The following GPRASP2 variants were observed in gnomAD, a reference collection of about 807,000 sequenced individuals.
GPRASP2 encodes G protein-coupled receptor associated sorting protein 2, also known as G protein-coupled receptor-associated sorting protein 2.
In GPRASP2, 10 loss-of-function variants were observed where a neutral mutation model predicts 36.0. The ratio of observed to expected loss-of-function variants is 0.28; its 90% confidence interval spans 0.17 to 0.47. GPRASP2 has a LOEUF of 0.47. Among genes scored for constraint, GPRASP2 ranks in the 20% least tolerant of loss-of-function variants. The pLI, the probability that GPRASP2 is intolerant of heterozygous loss-of-function variation, is 0.99. For synonymous variants in GPRASP2, 219 were observed against 230.5 expected (o/e 0.95, Z 0.45); for missense variants, 538 against 626.7 (o/e 0.86, Z 1.51).
In GPRASP2 at chrX:102,715,785, C is replaced by T. The variant is rs140659689; in HGVS notation, c.916C>T (p.Pro306Ser). ...AGAAAATACCAATAACTTGTTCAGG[C>T]CCAGAGTCAGGGAGGAGGCAAATAT... ...VGENTNNLFR[P>S]RVREEANIRS... is the part of the protein sequence containing the mutation. Residue 306 changes from proline (P) to serine (S), a missense_variant, in exon 5 of 5, where the codon CCC becomes TCC. Pro to Ser is a moderately conservative substitution (Grantham distance 74). Around this residue, in one of 2 missense-constraint regions of GPRASP2, gnomAD observed 276 missense variants for 275.0 expected, o/e 1.00. Transcript: ENST00000483720. 6.7e-5 allele frequency: 81 copies of T among 1,209,874 alleles called. No individual in the cohort carries two copies. In the African/African-American group the frequency reaches 1.4e-3, roughly 20 times the overall value.
Position 102,717,191 on chromosome X carries a change from T to G in GPRASP2, c.2322T>G (p.Asn774Lys), listed in dbSNP as rs2081977699. Residue 774 changes from asparagine to lysine, a missense_variant, in exon 5 of 5, where the codon AAT (asparagine) becomes AAG (lysine). This residue lies in a region of GPRASP2 where 262 missense variants were observed against 351.7 expected (regional missense o/e 0.74). Coordinates refer to ENST00000483720, the MANE Select transcript of GPRASP2 (RefSeq NM_001004051.4). ...FVGLFNIEET[N>K]DNIQIVIKMF... ...GTCTCTTTAACATAGAAGAGACAAA[T>G]GATAATATTCAAATTGTTATTAAAA... is the stretch of plus-strand genomic sequence containing the variant. 3 of 1,141,459 alleles carry G rather than the reference T, an allele frequency of 2.6e-6. No homozygotes were observed. Among genetic ancestry groups the G allele is most frequent in the Non-Finnish European group, 3.5e-6 (3 of 861,291 alleles). The allele number at this position is 1,141,459 out of a possible 1,213,427, so 94.1% of individuals were successfully genotyped here. A position where few individuals can be genotyped will look rare whatever the true frequency, so the allele number is the denominator to read the frequency against.
In GPRASP2 at chrX:102,715,168, C is replaced by G. The variant is rs2081942951; in HGVS notation, c.299C>G (p.Thr100Ser). 2 of 1,211,719 alleles carry G rather than the reference C, an allele frequency of 1.7e-6. No individual in the cohort carries two copies. The highest frequency in any genetic ancestry group is 2.2e-6 in the Non-Finnish European group (2 of 895,559). Residue 100 changes from threonine to serine, a missense_variant, in exon 5 of 5, where the codon ACC becomes AGC. Thr to Ser is a moderately conservative substitution (Grantham distance 58, BLOSUM62 1). Transcript: ENST00000483720. ...GGAATCACAGGGGCCAGGCCCAAAA[C>G]CGATGCCAGGGCAGTAGGTGGCGCT... is the stretch of plus-strand genomic sequence containing the variant. The part of the protein sequence containing the change: ...AQGITGARPK[T>S]DARAVGGARS...
chrX:102,715,886 G>C lies in GPRASP2; in HGVS notation c.1017G>C (p.Trp339Cys). 1 of 1,211,815 alleles carries C rather than the reference G, an allele frequency of 8.3e-7. No homozygotes were observed. Among genetic ancestry groups the C allele is most frequent in the Non-Finnish European group, 1.1e-6 (1 of 895,529 alleles). Residue 339 changes from tryptophan (W) to cysteine (C), a missense_variant, in exon 5 of 5, where the codon TGG becomes TGC. Around this residue, in one of 2 missense-constraint regions of GPRASP2, gnomAD observed 276 missense variants for 275.0 expected, o/e 1.00. Coordinates refer to ENST00000483720, the MANE Select transcript of GPRASP2 (RefSeq NM_001004051.4). ...AAGATGAGTTCTATAAGCAGTCCTGGGTTTTGCCTGGAGAAGAGGCCAATA... is the reference window on the plus strand; with the variant it reads ...AAGATGAGTTCTATAAGCAGTCCTGCGTTTTGCCTGGAGAAGAGGCCAATA... ...ESEDEFYKQS[W>C]VLPGEEANSR...
At position 102,714,952 on chromosome X, in the gene GPRASP2, G is replaced by T. The variant is rs773094045; in HGVS notation, c.83G>T (p.Arg28Ile). The change falls in exon 5 of 5, where the codon AGA (arginine) becomes ATA (isoleucine). Residue 28 changes from arginine (R) to isoleucine (I), a missense_variant. Transcript: ENST00000483720. ...GAAGAGGTTATCGCTGGGCCTGAGA[G>T]AGAGAATGATGTCCCTCTGGTGGTC... ...AGEEVIAGPERENDVPLVVRP... is the reference protein window; with the variant it reads ...AGEEVIAGPEIENDVPLVVRP... 18 of 1,211,438 alleles carry T rather than the reference G, an allele frequency of 1.5e-5. No individual in the cohort carries two copies. Among genetic ancestry groups the T allele is most frequent in the East Asian group, 5.9e-5 (2 of 33,805 alleles).
Position 102,716,363 on chromosome X carries a change from C to T in GPRASP2, c.1494C>T (p.Phe498=), listed in dbSNP as rs1468330641. ...CCTGGGACGAGGTCACTGTTGAATT[C>T]AAACCTGGTCTTTTTCATGGGGTTG... ...PQTWDEVTVE[F]KPGLFHGVGF... is the part of the protein sequence containing the mutation. The change falls in exon 5 of 5, where the codon TTC becomes TTT. Residue 498 remains phenylalanine (F), a synonymous_variant. Coordinates refer to ENST00000483720, the MANE Select transcript of GPRASP2 (RefSeq NM_001004051.4). The T allele has an allele frequency of 8.3e-7, 1 of 1,211,932 alleles. No individual in the cohort carries two copies. The highest frequency in any genetic ancestry group is 1.8e-5 in the South Asian group (1 of 56,960).
rs757126435 is a variant in GPRASP2, at chrX:102,717,389, T to C, written c.*3T>C. ...CTGAGGTGGGACAACAAAGTTAATA[T>C]GATTAACCACCTGCCGCTGATCAGC... On this transcript the variant is annotated 3_prime_UTR_variant, in exon 5 of 5. Transcript: ENST00000483720. The C allele has an allele frequency of 9.4e-7, 1 of 1,061,346 alleles. No homozygotes were observed. Among genetic ancestry groups the C allele is most frequent in the Non-Finnish European group, 1.2e-6 (1 of 818,918 alleles). The allele number at this position is 1,061,346 out of a possible 1,213,427, so 87.5% of individuals were successfully genotyped here.
At position 102,714,663 on chromosome X, in the gene GPRASP2, G is replaced by A; in HGVS notation, c.-207G>A. On this transcript the variant is annotated 5_prime_UTR_variant, in exon 5 of 5. Coordinates refer to ENST00000483720, the MANE Select transcript of GPRASP2 (RefSeq NM_001004051.4). ...GGTTGTACCTGTTCTCACTCTATCT[G>A]TATTATTGAATTATTGACTGAGACT... 1 of 578,064 alleles carries A rather than the reference G, an allele frequency of 1.7e-6. No individual in the cohort carries two copies. The highest frequency in any genetic ancestry group is 2.6e-6 in the Non-Finnish European group (1 of 382,535). The allele number at this position is 578,064 out of a possible 1,213,427, so 47.6% of individuals were successfully genotyped here.
chrX:102,716,030 T>C lies in GPRASP2; in HGVS notation c.1161T>C (p.Ile387=). ...QEPRFEEEVI[I]GSWFWAEKEA... Reference sequence around the variant, plus strand: ...CCAGGTTTGAGGAGGAAGTCATTATTGGGTCCTGGTTCTGGGCAGAAAAAG... The same window carrying C: ...CCAGGTTTGAGGAGGAAGTCATTATCGGGTCCTGGTTCTGGGCAGAAAAAG... Residue 387 remains isoleucine, a synonymous_variant, in exon 5 of 5, where the codon ATT becomes ATC. Transcript: ENST00000483720. The C allele has an allele frequency of 8.3e-7, 1 of 1,202,948 alleles. No homozygotes were observed. The highest frequency in any genetic ancestry group is 3.0e-5 in the East Asian group (1 of 33,775).
Position 102,716,244 on chromosome X carries a change from G to A in GPRASP2, c.1375G>A (p.Ala459Thr). The A allele has an allele frequency of 8.3e-7, 1 of 1,212,016 alleles. No individual in the cohort carries two copies. The highest frequency in any genetic ancestry group is 1.1e-6 in the Non-Finnish European group (1 of 895,624). ...FGSWFWDRDE[A>T]CFDLNPCPVY... is the part of the protein sequence containing the mutation. The stretch of plus-strand genomic sequence containing the variant: ...GTCCTGGTTCTGGGACAGAGATGAG[G>A]CCTGCTTTGACCTAAATCCCTGTCC... Residue 459 changes from alanine to threonine, a missense_variant, in exon 5 of 5, where the codon GCC (alanine) becomes ACC (threonine). Around this residue, in one of 2 missense-constraint regions of GPRASP2, gnomAD observed 262 missense variants for 351.7 expected, o/e 0.74. Transcript: ENST00000483720.
Position 102,717,541 on chromosome X carries a change from G to A in GPRASP2, c.*155G>A. On this transcript the variant is annotated 3_prime_UTR_variant, in exon 5 of 5. Transcript: ENST00000483720. ...TTGTTTTGAGCTGGATCATTTTGTG[G>A]ATGCCAAATGAATATCAAAACTGAA... 2 of 790,749 alleles carry A rather than the reference G, an allele frequency of 2.5e-6. No individual in the cohort carries two copies. Among genetic ancestry groups the A allele is most frequent in the Non-Finnish European group, 3.3e-6 (2 of 611,351 alleles). The allele number at this position is 790,749 out of a possible 1,213,427, so 65.2% of individuals were successfully genotyped here. A position where few individuals can be genotyped will look rare whatever the true frequency, so the allele number is the denominator to read the frequency against.
At chrX:102,713,486 C>T (rs181200976) in intron 2 of GPRASP2, among the ~76,000 whole-genome samples, 30 of 113,211 alleles carry the variant, frequency 2.6e-4, no homozygotes, top group African/African-American at 9.6e-4. Context: ...CGGCGCCCTT[C>T]CCCCATTTTA....
chrX:102,716,446 C>G lies in GPRASP2; in HGVS notation c.1577C>G (p.Ala526Gly), dbSNP rs1333999365. 8.2e-7 allele frequency: 1 copy of G among 1,212,153 alleles called. No homozygotes were observed. Among genetic ancestry groups the G allele is most frequent in the Admixed American group, 2.2e-5 (1 of 46,098 alleles). The change falls in exon 5 of 5, where the codon GCA becomes GGA. Residue 526 changes from alanine to glycine, a missense_variant. Physicochemically the swap from Ala to Gly is moderately conservative, Grantham distance 60. Around this residue, in one of 2 missense-constraint regions of GPRASP2, gnomAD observed 262 missense variants for 351.7 expected, o/e 0.74. Coordinates refer to ENST00000483720, the MANE Select transcript of GPRASP2 (RefSeq NM_001004051.4). ...GAAGAGGCTTCTGAAATGCTTGAGG[C>G]AAAGCCCAAGAACCTGGAACTTAGC... ...IPEEASEMLEAKPKNLELSPE... is the reference protein window; with the variant it reads ...IPEEASEMLEGKPKNLELSPE...
In GPRASP2 at chrX:102,717,494, T is replaced by C. The variant is rs2081982100; in HGVS notation, c.*108T>C. ...TGTTGTAACTTATATTTTTTAATGCTGATGTTAACTTTGTCAAACTCTTGT... is the reference window on the plus strand; with the variant it reads ...TGTTGTAACTTATATTTTTTAATGCCGATGTTAACTTTGTCAAACTCTTGT... On this transcript the variant is annotated 3_prime_UTR_variant, in exon 5 of 5. Transcript: ENST00000483720. 4 of 951,215 alleles carry C rather than the reference T, an allele frequency of 4.2e-6. No individual in the cohort carries two copies. Among genetic ancestry groups the C allele is most frequent in the East Asian group, 3.9e-5 (1 of 25,598 alleles). 78.4% of individuals were successfully genotyped at this position (951,215 alleles called of 1,213,427 possible). A position where few individuals can be genotyped will look rare whatever the true frequency, so the allele number is the denominator to read the frequency against.
In GPRASP2 at chrX:102,717,406, C is replaced by T; in HGVS notation, c.*20C>T. ...AGTTAATATGATTAACCACCTGCCGCTGATCAGCCTTATGTTCCCAAAGAG... is the reference window on the plus strand; with the variant it reads ...AGTTAATATGATTAACCACCTGCCGTTGATCAGCCTTATGTTCCCAAAGAG... On this transcript the variant is annotated 3_prime_UTR_variant, in exon 5 of 5. Coordinates refer to ENST00000483720, the MANE Select transcript of GPRASP2 (RefSeq NM_001004051.4). 1 of 1,051,217 alleles carries T rather than the reference C, an allele frequency of 9.5e-7. No homozygotes were observed. 86.6% of individuals were successfully genotyped at this position (1,051,217 alleles called of 1,213,427 possible).
chrX:102,716,192 G>A lies in GPRASP2; in HGVS notation c.1323G>A (p.Pro441=), dbSNP rs200445301. 7.6e-5 allele frequency: 92 copies of A among 1,208,663 alleles called. No homozygotes were observed. Among genetic ancestry groups the A allele is most frequent in the Non-Finnish European group, 9.8e-5 (88 of 894,851 alleles). The part of the protein sequence containing the change: ...LGAVAREEAK[P]ESEEEAIFGS... Reference sequence around the variant, plus strand: ...CTGTGGCCAGAGAAGAGGCCAAGCCGGAGTCTGAAGAAGAGGCCATATTTG... The same window carrying A: ...CTGTGGCCAGAGAAGAGGCCAAGCCAGAGTCTGAAGAAGAGGCCATATTTG... The change falls in exon 5 of 5, where the codon CCG becomes CCA. Residue 441 remains proline (P), a synonymous_variant. Transcript: ENST00000483720.
chrX:102,717,473 G>GT lies in GPRASP2; in HGVS notation c.*88dup. The GT allele has an allele frequency of 1.0e-6, 1 of 984,392 alleles. No individual in the cohort carries two copies. 81.1% of individuals were successfully genotyped at this position (984,392 alleles called of 1,213,427 possible). A position where few individuals can be genotyped will look rare whatever the true frequency, so the allele number is the denominator to read the frequency against. On this transcript the variant is annotated 3_prime_UTR_variant, in exon 5 of 5. Coordinates refer to ENST00000483720, the MANE Select transcript of GPRASP2 (RefSeq NM_001004051.4). ...GGTGTTCACAGTCTGTTTTTTTGTT[G>GT]TAACTTATATTTTTTAATGCTGATG... is the stretch of plus-strand genomic sequence containing the variant.
rs1468256827 is a variant in GPRASP2, at chrX:102,716,036, C to T, written c.1167C>T (p.Ser389=). The T allele has an allele frequency of 8.3e-7, 1 of 1,200,420 alleles. No homozygotes were observed. Among genetic ancestry groups the T allele is most frequent in the South Asian group, 1.8e-5 (1 of 54,133 alleles). ...PRFEEEVIIG[S]WFWAEKEASL... ...TTGAGGAGGAAGTCATTATTGGGTC[C>T]TGGTTCTGGGCAGAAAAAGAGGCCA... Residue 389 remains serine, a synonymous_variant, in exon 5 of 5, where the codon TCC becomes TCT. Transcript: ENST00000483720.
rs1361578775 is a variant in GPRASP2 at position 102,716,385 on chromosome X, G to A, written c.1516G>A (p.Val506Ile). ...ATTCAAACCTGGTCTTTTTCATGGGGTTGGCTTCCGATCCACAAGCCCCTT... is the reference window on the plus strand; with the variant it reads ...ATTCAAACCTGGTCTTTTTCATGGGATTGGCTTCCGATCCACAAGCCCCTT... ...VEFKPGLFHGVGFRSTSPFGI... is the reference protein window; with the variant it reads ...VEFKPGLFHGIGFRSTSPFGI... The change falls in exon 5 of 5, where the codon GTT (valine) becomes ATT (isoleucine). Residue 506 changes from valine (V) to isoleucine (I), a missense_variant. By Grantham distance (29) the Val-to-Ile change is conservative. Coordinates refer to ENST00000483720, the MANE Select transcript of GPRASP2 (RefSeq NM_001004051.4). The A allele has an allele frequency of 3.3e-6, 4 of 1,211,814 alleles. No homozygotes were observed. The highest frequency in any genetic ancestry group is 1.8e-5 in the South Asian group (1 of 56,959).
intron 1 of GPRASP2, 161 bp from the exon 2 acceptor site, chrX:102,712,960 AGGCCGGCGG>A (rs2065549656): frequency 8.9e-6 from 1 of 112,106 alleles, no homozygotes; most frequent in African/African-American, 3.2e-5. Context: ...GCGCCCGGCG[AGGCCGGCGG>A]GGGTCGGCGT....
Sources: allele counts gnomAD v4.1 joint callset (sites outside exome capture counted in the v4.1 genomes callset), GRCh38; gene constraint gnomAD v4.1.1; regional missense constraint gnomAD v4.1.1; transcripts MANE v1.5; gene names NCBI Gene and HGNC (gene_info 2026-07-23, HGNC 2026-07-21).